Variants in PPP6R3 observed in about 807,000 individuals in gnomAD.
PPP6R3 encodes serine/threonine-protein phosphatase 6 regulatory subunit 3.
A neutral mutation model predicts 110.7 loss-of-function variants in PPP6R3; 38 were observed. The observed-to-expected ratio is 0.34, with a 90% confidence interval of 0.26 to 0.45. The LOEUF (loss-of-function observed/expected upper bound fraction) is 0.45, where lower values mean the gene tolerates loss of function less well. PPP6R3 is among the 20% of genes least tolerant of loss of function. The pLI is 1.00. For missense variants in PPP6R3, 870 were observed against 1,062.4 expected, an observed-to-expected ratio of 0.82 and a Z score of 2.52; for synonymous variants, 369 against 373.5, an observed-to-expected ratio of 0.99 and a Z score of 0.14.
intron 8 of PPP6R3, 102 bp downstream of exon 8, chr11:68,558,781 T>TG (rs2099408564): frequency 1.2e-6 from 1 of 817,634 alleles, no homozygotes; most frequent in Admixed American, 2.5e-5. Flanking sequence ...ACCTTTGAAT[T>TG]GCAGTTGCTG....
chr11:68,472,717 G>A (rs2098800929), intron 1 of PPP6R3, among the ~76,000 whole-genome samples: 2 of 151,652 alleles, frequency 1.3e-5, no homozygotes, highest in South Asian at 2.1e-4. Context: ...TATATTCACA[G>A]AACTGTGCAG....
intron 8 of PPP6R3, among the ~76,000 whole-genome samples, chr11:68,560,566 A>C (rs1006310801): frequency 1.3e-5 from 2 of 152,226 alleles, no homozygotes; most frequent in African/African-American, 4.8e-5. Flanking sequence ...CTTATATTGA[A>C]AACCTTTAAC....
At chr11:68,528,444 G>C (rs927244223) in intron 2 of PPP6R3, among the ~76,000 whole-genome samples, 2 of 134,912 alleles carry the variant, frequency 1.5e-5, no homozygotes, top group African/African-American at 5.4e-5. Context: ...GGGGGGGGGG[G>C]CTGCACCTTT....
intron 1 of PPP6R3, among the ~76,000 whole-genome samples, chr11:68,482,178 G>A (rs1205852042): frequency 4.8e-5 from 7 of 146,146 alleles, no homozygotes; most frequent in Non-Finnish European, 8.9e-5. Flanking sequence ...CTGAGGTCAG[G>A]AGTTCAAGAC....
chr11:68,530,921 G>A (rs1274258966), intron 2 of PPP6R3, among the ~76,000 whole-genome samples: 23 of 152,124 alleles, frequency 1.5e-4, no homozygotes, highest in Admixed American at 1.0e-3. Context: ...CATCCCCACA[G>A]TTGACTGCTT....
At chr11:68,609,459 A>C in intron 22 of PPP6R3, 1 of 894,008 alleles carries the variant, frequency 1.1e-6, no homozygotes, top group East Asian at 2.6e-5. Flanking sequence ...CTAAAGACTC[A>C]TTCCTTCAAA....
At position 68,614,618 on chromosome 11, in the gene PPP6R3, TTTTTCA is replaced by T. The variant is rs1944860660; in HGVS notation, c.*1506_*1511del. On this transcript the variant is annotated 3_prime_UTR_variant, in exon 24 of 24. Coordinates refer to ENST00000393800, the MANE Select transcript of PPP6R3 (RefSeq NM_001164161.2). ...TAATGCCTTATTATTTCTGATTTCCTTTTTCATTTTAAGTGGTGTGGAGATTCCAGC... is the reference window on the plus strand; with the variant it reads ...TAATGCCTTATTATTTCTGATTTCCTTTTTAAGTGGTGTGGAGATTCCAGC... The T allele has an allele frequency of 6.6e-7, 1 of 1,515,426 alleles. No individual in the cohort carries two copies. The highest frequency in any genetic ancestry group is 8.8e-7 in the Non-Finnish European group (1 of 1,138,774). 93.9% of individuals were successfully genotyped at this position (1,515,426 alleles called of 1,614,324 possible).
chr11:68,600,824 T>C (rs1335072849), intron 20 of PPP6R3, among the ~76,000 whole-genome samples: 1 of 152,114 alleles, frequency 6.6e-6, no homozygotes, highest in Non-Finnish European at 1.5e-5. Context: ...CAGGACAGAA[T>C]TGAGGAGAAG....
intron 1 of PPP6R3, among the ~76,000 whole-genome samples, chr11:68,472,676 C>G (rs901354379): frequency 2.6e-5 from 4 of 151,062 alleles, no homozygotes; most frequent in Non-Finnish European, 5.9e-5. Flanking sequence ...TTCAATTGAT[C>G]AATTTAAAGT....
At chr11:68,528,640 G>A (rs2099216214) in intron 2 of PPP6R3, among the ~76,000 whole-genome samples, 1 of 152,078 alleles carries the variant, frequency 6.6e-6, no homozygotes, top group Non-Finnish European at 1.5e-5. Flanking sequence ...TGCTGTCAGG[G>A]GGAAGAGTTT....
chr11:68,611,714 T>C (rs1943506506), intron 23 of PPP6R3, among the ~76,000 whole-genome samples: 1 of 152,066 alleles, frequency 6.6e-6, no homozygotes, highest in South Asian at 2.1e-4. Context: ...GGGGTCCATG[T>C]GAGCTGGGGT....
chr11:68,515,549 A>G (rs2099132235), intron 1 of PPP6R3, among the ~76,000 whole-genome samples: 1 of 152,238 alleles, frequency 6.6e-6, no homozygotes, highest in African/African-American at 2.4e-5. Flanking sequence ...TCTAATGTTC[A>G]CAAAGTTATC....
chr11:68,564,030 A>G (rs1048756895), intron 8 of PPP6R3, among the ~76,000 whole-genome samples: 1 of 152,154 alleles, frequency 6.6e-6, no homozygotes, highest in African/African-American at 2.4e-5. Flanking sequence ...TTGTTACTGT[A>G]TAATAGTTAT....
intron 8 of PPP6R3, among the ~76,000 whole-genome samples, chr11:68,561,249 A>AT (rs1391680462): frequency 6.6e-6 from 1 of 152,074 alleles, no homozygotes; most frequent in African/African-American, 2.4e-5. Context: ...AAATAGTATT[A>AT]TTTTTTGTTT....
At chr11:68,473,945 C>CT (rs371637258) in intron 1 of PPP6R3, among the ~76,000 whole-genome samples, 1 of 151,682 alleles carries the variant, frequency 6.6e-6, no homozygotes, top group Non-Finnish European at 1.5e-5. Flanking sequence ...AATGTGGTAA[C>CT]TTTAACATTT....
At chr11:68,473,658 T>A (rs902256612) in intron 1 of PPP6R3, among the ~76,000 whole-genome samples, 1 of 152,146 alleles carries the variant, frequency 6.6e-6, no homozygotes, top group Non-Finnish European at 1.5e-5. Flanking sequence ...TCTGACTCTA[T>A]CTCCAGGTAG....
intron 3 of PPP6R3, among the ~76,000 whole-genome samples, chr11:68,540,278 A>G (rs761455158): frequency 7.9e-5 from 12 of 152,148 alleles, no homozygotes; most frequent in Non-Finnish European, 1.6e-4. Context: ...CAGAGTTCAG[A>G]AGAGAGATTT....
At position 68,560,854 on chromosome 11, in the gene PPP6R3, T is replaced by C. The variant is rs150410602; in HGVS notation, c.845+2175T>C. Among the ~76,000 whole-genome samples, 300 of 151,612 alleles carry C rather than the reference T, an allele frequency of 2.0e-3. 1 individual carries two copies. Among genetic ancestry groups the C allele is most frequent in the African/African-American group, 6.9e-3 (284 of 41,382 alleles). On this transcript the variant is annotated intron_variant, in intron 8 of 23. Transcript: ENST00000393800. ...AGTATTTGCATGTAACCTACACATATCCTCCTGTGTACTTTAAATCATCTC... is the reference window on the plus strand; with the variant it reads ...AGTATTTGCATGTAACCTACACATACCCTCCTGTGTACTTTAAATCATCTC...
At chr11:68,578,203 A>G (rs2099539458) in intron 14 of PPP6R3, among the ~76,000 whole-genome samples, 1 of 152,200 alleles carries the variant, frequency 6.6e-6, no homozygotes, top group African/African-American at 2.4e-5. Context: ...TTTCCTGTCC[A>G]GAATGTGTTC....
Sources: allele counts gnomAD v4.1 joint callset (sites outside exome capture counted in the v4.1 genomes callset), GRCh38; gene constraint gnomAD v4.1.1; transcripts MANE v1.5; gene names NCBI Gene and HGNC (gene_info 2026-07-23, HGNC 2026-07-21).